The following ARMH4 variants were observed in gnomAD, a reference collection of about 807,000 sequenced individuals.
The protein encoded by ARMH4 is armadillo-like helical domain-containing protein 4.
In ARMH4, 49 loss-of-function variants were observed where a neutral mutation model predicts 61.9. The observed-to-expected ratio is 0.79, with a 90% CI of 0.63 to 1.00. The LOEUF is 1.00. ARMH4 is among the 50% of genes least tolerant of loss of function. The probability of loss-of-function intolerance (pLI) is 0.00; values close to 1 mark genes in which losing one functional copy is unlikely to be tolerated. For missense variants in ARMH4, 934 were observed against 930.0 expected, an observed-to-expected ratio of 1.00 and a Z score of -0.06; for synonymous variants, 368 against 341.5, an observed-to-expected ratio of 1.08 and a Z score of -0.85.
At chr14:58,031,069 T>C (rs952330981) in intron 5 of ARMH4, among the ~76,000 whole-genome samples, 4 of 152,258 alleles carry the variant, frequency 2.6e-5, no homozygotes, top group African/African-American at 9.6e-5. Context: ...CCAACTTCTA[T>C]TGAGTATCTA....
intron 5 of ARMH4, among the ~76,000 whole-genome samples, chr14:58,040,043 GGAAATGTAAAT>G (rs1370776609): frequency 1.3e-5 from 2 of 152,024 alleles, no homozygotes; most frequent in African/African-American, 4.8e-5. Context: ...ACAACGAAAA[GGAAATGTAAAT>G]GAACACAGAA....
At chr14:58,106,945 G>A (rs1353757195) in intron 4 of ARMH4, among the ~76,000 whole-genome samples, 2 of 152,176 alleles carry the variant, frequency 1.3e-5, no homozygotes, top group East Asian at 1.9e-4. Flanking sequence ...TACCAAAATC[G>A]AGAGTCTTCA....
chr14:58,005,403 T>C (rs1019175305), intron 6 of ARMH4, among the ~76,000 whole-genome samples: 2 of 152,182 alleles, frequency 1.3e-5, no homozygotes, highest in South Asian at 2.1e-4. Context: ...ATAGAAGTAT[T>C]GAAATAAATC....
chr14:58,073,863 T>C (rs1884962724), intron 5 of ARMH4, among the ~76,000 whole-genome samples: 1 of 152,222 alleles, frequency 6.6e-6, no homozygotes, highest in African/African-American at 2.4e-5. Context: ...GTAACACTAA[T>C]AACTCCCTGT....
chr14:58,107,551 G>A (rs895439910), intron 4 of ARMH4, among the ~76,000 whole-genome samples: 4 of 152,112 alleles, frequency 2.6e-5, no homozygotes, highest in Non-Finnish European at 5.9e-5. Flanking sequence ...GAATCATGAG[G>A]TCAGGAGATC....
intron 4 of ARMH4, among the ~76,000 whole-genome samples, chr14:58,119,101 A>T (rs1345808322): frequency 6.6e-6 from 1 of 152,238 alleles, no homozygotes; most frequent in South Asian, 2.1e-4. Context: ...CTGGTAAATG[A>T]GGGCAAAATC....
intron 4 of ARMH4, among the ~76,000 whole-genome samples, chr14:58,107,381 T>A (rs1272142905): frequency 2.0e-5 from 3 of 152,224 alleles, no homozygotes; most frequent in Non-Finnish European, 4.4e-5. Flanking sequence ...AATCATCATC[T>A]TTTGCCTATT....
chr14:58,027,821 G>A (rs1037481163), intron 5 of ARMH4, among the ~76,000 whole-genome samples: 8 of 152,126 alleles, frequency 5.3e-5, no homozygotes, highest in Admixed American at 2.0e-4. Context: ...CAAACTCATC[G>A]AGTTGTATAC....
At chr14:58,133,016 CTCAT>C in intron 3 of ARMH4, 70 bp downstream of exon 3, 1 of 1,547,682 alleles carries the variant, frequency 6.5e-7, no homozygotes, top group South Asian at 1.2e-5. Flanking sequence ...GGCTGCCTCA[CTCAT>C]TCTATTCCTA....
At chr14:58,047,238 T>C (rs1292149602) in intron 5 of ARMH4, among the ~76,000 whole-genome samples, 1 of 152,200 alleles carries the variant, frequency 6.6e-6, no homozygotes, top group Non-Finnish European at 1.5e-5. Flanking sequence ...AATCCAAAAA[T>C]ATGCTTATCT....
At chr14:58,110,458 G>C (rs1886319447) in intron 4 of ARMH4, among the ~76,000 whole-genome samples, 1 of 151,906 alleles carries the variant, frequency 6.6e-6, no homozygotes, top group Non-Finnish European at 1.5e-5. Flanking sequence ...ACTCACTGAG[G>C]GAGCTTTCTA....
At chr14:58,102,027 G>T (rs1262111287) in intron 4 of ARMH4, among the ~76,000 whole-genome samples, 1 of 152,192 alleles carries the variant, frequency 6.6e-6, no homozygotes, top group Non-Finnish European at 1.5e-5. Context: ...GGGCTGGGTA[G>T]TGGAAGAGTG....
At chr14:58,109,647 T>C (rs1886282320) in intron 4 of ARMH4, among the ~76,000 whole-genome samples, 1 of 152,240 alleles carries the variant, frequency 6.6e-6, no homozygotes, top group African/African-American at 2.4e-5. Flanking sequence ...TCCATATAAA[T>C]TTTATCAAAA....
intron 5 of ARMH4, among the ~76,000 whole-genome samples, chr14:58,013,852 C>T (rs1374567976): frequency 6.6e-6 from 1 of 151,794 alleles, no homozygotes; most frequent in African/African-American, 2.4e-5. Flanking sequence ...GGTGAAACCC[C>T]GTCTCTACTA....
chr14:58,073,308 A>C (rs997604845), intron 5 of ARMH4, among the ~76,000 whole-genome samples: 3 of 152,230 alleles, frequency 2.0e-5, no homozygotes, highest in Non-Finnish European at 2.9e-5. Context: ...TTGTTCACTT[A>C]AGAAGTCACT....
intron 5 of ARMH4, among the ~76,000 whole-genome samples, chr14:58,054,045 A>G (rs111555): frequency 0.35 from 53,175 of 152,044 alleles, 12,387 homozygotes; most frequent in East Asian, 0.64. Flanking sequence ...AGACTCTGTG[A>G]AAAGTATTTA....
Position 58,004,648 on chromosome 14 carries a change from T to G in ARMH4, c.*88A>C. 1 of 1,121,726 alleles carries G rather than the reference T, an allele frequency of 8.9e-7. No individual in the cohort carries two copies. The highest frequency in any genetic ancestry group is 1.3e-6 in the Non-Finnish European group (1 of 755,578). 69.5% of individuals were successfully genotyped at this position (1,121,726 alleles called of 1,614,324 possible). On this transcript the variant is annotated 3_prime_UTR_variant, in exon 8 of 8. Transcript: ENST00000267485. ...GACTAACGGCCTGATAGCAGCAATG[T>G]GGCAGGTTGTTCTTTTTTTTTTTCT...
chr14:58,025,684 G>A (rs1290778651), intron 5 of ARMH4, among the ~76,000 whole-genome samples: 2 of 152,036 alleles, frequency 1.3e-5, no homozygotes, highest in African/African-American at 2.4e-5. Context: ...AACTTACTAA[G>A]TTTTAAGTAT....
intron 5 of ARMH4, among the ~76,000 whole-genome samples, chr14:58,088,729 G>A (rs139424436): frequency 2.2e-4 from 33 of 152,178 alleles, no homozygotes; most frequent in Admixed American, 7.2e-4. Flanking sequence ...TGAGCTTTCC[G>A]GGAAAATTAA....
Sources: gnomAD v4.1 joint callset for allele counts (sites outside exome capture counted in the v4.1 genomes callset) on GRCh38, gnomAD v4.1.1 for gene constraint, MANE v1.5 for transcripts, NCBI Gene and HGNC (gene_info 2026-07-23, HGNC 2026-07-21) for gene names.